The following EFCAB6 variants were observed in gnomAD, a reference collection of about 807,000 sequenced individuals.
EFCAB6 encodes the protein EF-hand calcium binding domain 6.
EFCAB6 carries 156 observed loss-of-function variants against 169.8 expected under a neutral mutation model. The observed-to-expected ratio is 0.92, with a 90% confidence interval of 0.81 to 1.05. The LOEUF is 1.05. EFCAB6 is among the 50% of genes least tolerant of loss of function. The probability of loss-of-function intolerance (pLI) is 0.00; values close to 1 mark genes in which losing one functional copy is unlikely to be tolerated. For synonymous variants in EFCAB6, 698 were observed against 676.4 expected (o/e 1.03, Z -0.50); for missense variants, 1,800 against 1,829.1 (o/e 0.98, Z 0.29).
chr22:43,584,782 C>T (rs1480414898), intron 24 of EFCAB6, among the ~76,000 whole-genome samples: 1 of 152,186 alleles, frequency 6.6e-6, no homozygotes. Context: ...TAGAATGTTT[C>T]CCCTCCCCAA....
At chr22:43,659,967 C>T (rs1005797353) in intron 17 of EFCAB6, among the ~76,000 whole-genome samples, 1 of 152,196 alleles carries the variant, frequency 6.6e-6, no homozygotes, top group Non-Finnish European at 1.5e-5. Flanking sequence ...CAGCTCCCTA[C>T]TGCATGTCTC....
chr22:43,806,264 AT>A (rs771866108), intron 2 of EFCAB6, among the ~76,000 whole-genome samples: 620 of 143,492 alleles, frequency 4.3e-3, no homozygotes, highest in Middle Eastern at 7.1e-3. Context: ...CTGAAATTCA[AT>A]TTTTTTTTTT....
rs551249872 is a variant in EFCAB6, at chr22:43,690,761, T to C, written c.1032-3180A>G. On this transcript the variant is annotated intron_variant, in intron 10 of 31. Coordinates refer to ENST00000262726, the MANE Select transcript of EFCAB6 (RefSeq NM_022785.4). ...ACTCTTCCCTGCCCTCGGTCCCTTC[T>C]GCTTGTTGCTTCCTTTGCCAACTGC... Among the ~76,000 whole-genome samples the C allele has an allele frequency of 2.0e-5, 3 of 151,724 alleles. No individual in the cohort carries two copies. The South Asian group carries it at 6.3e-4, about 32-fold the overall frequency.
intron 6 of EFCAB6, among the ~76,000 whole-genome samples, chr22:43,740,808 T>C (rs1231327323): frequency 1.3e-5 from 2 of 152,214 alleles, no homozygotes; most frequent in East Asian, 1.9e-4. Flanking sequence ...CCTGCTCTCA[T>C]GGCCGGATAA....
chr22:43,768,692 C>T (rs113946784), intron 4 of EFCAB6, among the ~76,000 whole-genome samples: 1,622 of 152,338 alleles, frequency 0.011, 6 homozygotes, highest in Non-Finnish European at 0.014. Flanking sequence ...TGAAGTTCTA[C>T]AGTTCTCAGT....
rs2053028176 is a variant in EFCAB6 at position 43,607,827 on chromosome 22, C to T, written c.2681+655G>A. ...AGAAGGAGGTAATTTGAAGTTGGGTCTGGAACTTGGAAATAGACCACATTG... is the reference window on the plus strand; with the variant it reads ...AGAAGGAGGTAATTTGAAGTTGGGTTTGGAACTTGGAAATAGACCACATTG... On this transcript the variant is annotated intron_variant, in intron 22 of 31. Transcript: ENST00000262726. Among the ~76,000 whole-genome samples the T allele has an allele frequency of 1.3e-5, 2 of 152,192 alleles. 1 individual carries two copies. Among genetic ancestry groups the T allele is most frequent in the South Asian group, 4.1e-4 (2 of 4,820 alleles).
At chr22:43,807,701 C>T (rs1020972434) in intron 2 of EFCAB6, among the ~76,000 whole-genome samples, 1 of 152,114 alleles carries the variant, frequency 6.6e-6, no homozygotes, top group Non-Finnish European at 1.5e-5. Context: ...AATTATCACT[C>T]GACTAAATTG....
chr22:43,618,222 G>GAA (rs1346599117), intron 20 of EFCAB6, among the ~76,000 whole-genome samples: 142 of 98,402 alleles, frequency 1.4e-3, no homozygotes, highest in South Asian at 3.8e-3. Flanking sequence ...AAGAAAGAAA[G>GAA]AGAAAGAAAG....
chr22:43,537,602 CA>C lies in EFCAB6; in HGVS notation c.3880-58del. 1.3e-6 allele frequency: 2 copies of C among 1,547,590 alleles called. No individual in the cohort carries two copies. The highest frequency in any genetic ancestry group is 1.7e-6 in the Non-Finnish European group (2 of 1,144,292). The stretch of plus-strand genomic sequence containing the variant: ...ACTTAAGATTTAAAACGGAAGTCAT[CA>C]AAAATACCTCAATACCTCCAGTTTT... On this transcript the variant is annotated intron_variant, in intron 28 of 31. Coordinates refer to ENST00000262726, the MANE Select transcript of EFCAB6 (RefSeq NM_022785.4). This position sits in a 1 kb window ranked among gnomAD's most constrained non-coding sequence, Gnocchi z 4.3.
At chr22:43,635,025 CT>C (rs2055277034) in intron 18 of EFCAB6, 76 bp downstream of exon 18, 1 of 1,182,674 alleles carries the variant, frequency 8.5e-7, no homozygotes, top group Non-Finnish European at 1.3e-6. Context: ...CCCGAGTGGC[CT>C]GGTGGCACTG....
chr22:43,645,617 T>G (rs2056104954), intron 17 of EFCAB6, among the ~76,000 whole-genome samples: 1 of 152,228 alleles, frequency 6.6e-6, no homozygotes, highest in African/African-American at 2.4e-5. Flanking sequence ...ACAGGTGAAT[T>G]TACTACTTTC....
chr22:43,740,983 C>G (rs577817214), intron 6 of EFCAB6, among the ~76,000 whole-genome samples: 11 of 152,158 alleles, frequency 7.2e-5, no homozygotes, highest in African/African-American at 2.4e-4. Flanking sequence ...CCCACCAGAG[C>G]GACGTCTCCA....
At chr22:43,784,621 A>G in intron 2 of EFCAB6, among the ~76,000 whole-genome samples, 2 of 77,366 alleles carry the variant, frequency 2.6e-5, no homozygotes, top group South Asian at 7.5e-4. Flanking sequence ...GTGTATATAT[A>G]CACATATATA....
At chr22:43,618,136 C>T (rs1158051431) in intron 20 of EFCAB6, among the ~76,000 whole-genome samples, 3 of 46,998 alleles carry the variant, frequency 6.4e-5, no homozygotes, top group Non-Finnish European at 1.2e-4. Context: ...AAGAAAGAGA[C>T]AGAGAGGAGG....
intron 26 of EFCAB6, among the ~76,000 whole-genome samples, chr22:43,557,014 C>A (rs924798239): frequency 1.3e-5 from 2 of 152,162 alleles, no homozygotes. Context: ...TAGAGCCATA[C>A]CTCTCAGTCC....
chr22:43,694,219 T>C (rs1352308713), intron 10 of EFCAB6, among the ~76,000 whole-genome samples: 1 of 151,644 alleles, frequency 6.6e-6, no homozygotes, highest in Non-Finnish European at 1.5e-5. Context: ...AGAGAAAGAA[T>C]GGGAAAAACA....
chr22:43,647,378 A>G (rs1307152892), intron 17 of EFCAB6, among the ~76,000 whole-genome samples: 1 of 152,250 alleles, frequency 6.6e-6, no homozygotes, highest in East Asian at 1.9e-4. Context: ...TTTGTATTGA[A>G]GAAGACAAAG....
chr22:43,765,233 A>G, intron 5 of EFCAB6, 72 bp downstream of exon 5: 2 of 1,184,886 alleles, frequency 1.7e-6, no homozygotes, highest in Non-Finnish European at 2.5e-6. Context: ...ATTAGTTCCA[A>G]TGGCTTCACG....
rs554781382 is a variant in EFCAB6, at chr22:43,737,446, A to G, written c.508-1453T>C. ...TACACACCATCACTCACACACACAT[A>G]TATTCATACACACACACCCCTGTGC... On this transcript the variant is annotated intron_variant, in intron 6 of 31. Transcript: ENST00000262726. 2.8e-5 allele frequency among the ~76,000 whole-genome samples: 4 copies of G among 143,854 alleles called. No individual in the cohort carries two copies. The East Asian group carries it at 8.5e-4, about 31-fold the overall frequency. 94.4% of individuals were successfully genotyped at this position (143,854 alleles called of 152,430 possible). A position where few individuals can be genotyped will look rare whatever the true frequency, so the allele number is the denominator to read the frequency against.
Sources: allele counts gnomAD v4.1 joint callset (sites outside exome capture counted in the v4.1 genomes callset), GRCh38; gene constraint gnomAD v4.1.1; non-coding constraint Gnocchi (gnomAD v3.1); transcripts MANE v1.5; gene names NCBI Gene and HGNC (gene_info 2026-07-23, HGNC 2026-07-21).